The following SYNPR variants were observed in gnomAD, a reference collection of about 807,000 sequenced individuals.
The protein encoded by SYNPR is synaptoporin.
A neutral mutation model predicts 32.9 loss-of-function variants in SYNPR; 23 were observed. The ratio of observed to expected loss-of-function variants is 0.70; its 90% CI spans 0.50 to 0.99. The LOEUF (loss-of-function observed/expected upper bound fraction) is 0.99, where lower values mean the gene tolerates loss of function less well. SYNPR is among the 50% of genes least tolerant of loss of function. The probability of loss-of-function intolerance (pLI) is 0.00; values close to 1 mark genes in which losing one functional copy is unlikely to be tolerated. For synonymous variants in SYNPR, 146 were observed against 135.9 expected, an observed-to-expected ratio of 1.07 and a Z score of -0.52; for missense variants, 318 against 349.3, an observed-to-expected ratio of 0.91 and a Z score of 0.71.
At chr3:63,251,808 A>G (rs904837800) in intron 1 of SYNPR, among the ~76,000 whole-genome samples, 2 of 152,002 alleles carry the variant, frequency 1.3e-5, no homozygotes, top group Admixed American at 6.6e-5. Flanking sequence ...CTCATGCCCT[A>G]TACCCTCTGT....
At chr3:63,234,246 A>G (rs544006867) in intron 1 of SYNPR, among the ~76,000 whole-genome samples, 4 of 152,122 alleles carry the variant, frequency 2.6e-5, no homozygotes, top group African/African-American at 7.2e-5. Flanking sequence ...ATCAAATCTC[A>G]TGAGACTTAT....
intron 2 of SYNPR, among the ~76,000 whole-genome samples, chr3:63,409,762 C>A (rs2088436784): frequency 6.6e-6 from 1 of 152,146 alleles, no homozygotes; most frequent in African/African-American, 2.4e-5. Flanking sequence ...TTAAGGCCAT[C>A]ATTTCTGCTG....
intron 3 of SYNPR, among the ~76,000 whole-genome samples, chr3:63,489,160 G>T (rs1457195951): frequency 6.6e-6 from 1 of 152,136 alleles, no homozygotes; most frequent in Non-Finnish European, 1.5e-5. Context: ...AAGCCAAAAA[G>T]AAGTAGATTA....
intron 3 of SYNPR, among the ~76,000 whole-genome samples, chr3:63,502,682 G>C (rs1701505411): frequency 6.6e-6 from 1 of 152,044 alleles, no homozygotes; most frequent in Non-Finnish European, 1.5e-5. Flanking sequence ...ATTTCACTTA[G>C]TAATATGCAT....
chr3:63,297,789 A>G (rs1173044068), intron 2 of SYNPR, among the ~76,000 whole-genome samples: 1 of 152,232 alleles, frequency 6.6e-6, no homozygotes, highest in African/African-American at 2.4e-5. Flanking sequence ...TCATGGGGTG[A>G]ATGGACCTCA....
intron 2 of SYNPR, among the ~76,000 whole-genome samples, chr3:63,419,536 G>A (rs1346667857): frequency 6.6e-6 from 1 of 152,032 alleles, no homozygotes; most frequent in Admixed American, 6.6e-5. Context: ...AAAATATAAA[G>A]TTTTTTATTT....
intron 1 of SYNPR, among the ~76,000 whole-genome samples, chr3:63,246,032 C>A (rs1227137018): frequency 6.6e-6 from 1 of 151,892 alleles, no homozygotes; most frequent in East Asian, 1.9e-4. Flanking sequence ...GAAAAAAGTG[C>A]TTTTTCTACA....
At chr3:63,371,428 G>A (rs569743209) in intron 2 of SYNPR, among the ~76,000 whole-genome samples, 12 of 152,222 alleles carry the variant, frequency 7.9e-5, no homozygotes, top group Non-Finnish European at 1.5e-4. Flanking sequence ...ATGAGGCTGA[G>A]CAGTGATGAA....
chr3:63,480,120 T>G (rs1298977666), intron 2 of SYNPR, among the ~76,000 whole-genome samples: 1 of 152,208 alleles, frequency 6.6e-6, no homozygotes, highest in Non-Finnish European at 1.5e-5. Flanking sequence ...AGGAGACCTC[T>G]CAGAGTCCCT....
At chr3:63,319,408 T>A (rs111252844) in intron 2 of SYNPR, among the ~76,000 whole-genome samples, 305 of 152,176 alleles carry the variant, frequency 2.0e-3, no homozygotes, top group Non-Finnish European at 3.7e-3. Flanking sequence ...CTATTCTGTG[T>A]CTTCAGTAAA....
chr3:63,248,665 C>G (rs9828367), intron 1 of SYNPR, among the ~76,000 whole-genome samples: 1 of 152,042 alleles, frequency 6.6e-6, no homozygotes, highest in South Asian at 2.1e-4. Context: ...GTTGTGGAAA[C>G]TGTTTGAGAC....
intron 4 of SYNPR, among the ~76,000 whole-genome samples, chr3:63,591,537 C>G (rs1246471175): frequency 2.4e-5 from 3 of 124,844 alleles, no homozygotes; most frequent in African/African-American, 6.4e-5. Context: ...TTCACAATAG[C>G]AAAGACTTGG....
intron 2 of SYNPR, among the ~76,000 whole-genome samples, chr3:63,383,892 G>A (rs746138575): frequency 1.3e-5 from 2 of 152,208 alleles, no homozygotes; most frequent in Non-Finnish European, 2.9e-5. Context: ...CTCACCATAT[G>A]CACACACATA....
intron 3 of SYNPR, chr3:63,267,572 C>T (rs1349662663): frequency 1.3e-5 from 2 of 152,166 alleles, no homozygotes; most frequent in African/African-American, 4.8e-5. Context: ...TCCTGCTCCA[C>T]CACCCCTTCT....
In SYNPR at chr3:63,428,264, A is replaced by G. The variant is rs116222085; in HGVS notation, c.85-52568A>G. Among the ~76,000 whole-genome samples, 429 of 152,354 alleles carry G rather than the reference A, an allele frequency of 2.8e-3. 5 individuals are homozygous for G. Among genetic ancestry groups the G allele is most frequent in the African/African-American group, 0.01 (416 of 41,594 alleles). On this transcript the variant is annotated intron_variant, in intron 2 of 5. Transcript: ENST00000478300. ...TATTGAGGCTAAGTTGGTCAAAGCC[A>G]CAGAATTCATGATCAGAAAATTCAG... is the stretch of plus-strand genomic sequence containing the variant.
intron 2 of SYNPR, among the ~76,000 whole-genome samples, chr3:63,376,418 C>A (rs2087895990): frequency 6.6e-6 from 1 of 152,148 alleles, no homozygotes; most frequent in African/African-American, 2.4e-5. Flanking sequence ...TTATCCTGGC[C>A]TATAACATCG....
At chr3:63,260,539 TC>T (rs1286081884) in intron 2 of SYNPR, among the ~76,000 whole-genome samples, 16 of 152,270 alleles carry the variant, frequency 1.1e-4, no homozygotes, top group Middle Eastern at 3.4e-3. Flanking sequence ...TGAAACTGGA[TC>T]CCTTCCTTAC....
At chr3:63,609,384 A>C in intron 5 of SYNPR, 68 bp downstream of exon 5, 1 of 1,352,830 alleles carries the variant, frequency 7.4e-7, no homozygotes, top group South Asian at 1.8e-5. Flanking sequence ...TAAGAAAAAC[A>C]TCTCAGAAGT....
In SYNPR at chr3:63,278,758, T is replaced by C; in HGVS notation, c.84+16T>C. On this transcript the variant is annotated intron_variant, in intron 2 of 5. Coordinates refer to ENST00000478300, the MANE Select transcript of SYNPR (RefSeq NM_001130003.2). ...CCTGGAATTGGTGAGTAGCAGTGTG[T>C]GTGCAGGGAGGGGCGCCAGGCAGCC... The C allele has an allele frequency of 6.4e-7, 1 of 1,551,374 alleles. No individual in the cohort carries two copies. Among genetic ancestry groups the C allele is most frequent in the Non-Finnish European group, 8.7e-7 (1 of 1,146,960 alleles).
Sources: gnomAD v4.1 joint callset for allele counts (sites outside exome capture counted in the v4.1 genomes callset) on GRCh38, gnomAD v4.1.1 for gene constraint, MANE v1.5 for transcripts, NCBI Gene and HGNC (gene_info 2026-07-23, HGNC 2026-07-21) for gene names.